Variants in PPM1L observed in about 807,000 individuals in gnomAD.
PPM1L encodes the protein protein phosphatase 1L.
In PPM1L, 13 loss-of-function variants were observed where a neutral mutation model predicts 31.4. The observed-to-expected ratio is 0.41, with a 90% CI of 0.27 to 0.66. The LOEUF (loss-of-function observed/expected upper bound fraction) is 0.66, where lower values mean the gene tolerates loss of function less well. Ranked by LOEUF, PPM1L falls within the 30% of genes least tolerant of loss-of-function variation. PPM1L has a pLI of 0.29. For synonymous variants in PPM1L, 184 were observed against 175.4 expected, an observed-to-expected ratio of 1.05 and a Z score of -0.39; for missense variants, 326 against 453.7, an observed-to-expected ratio of 0.72 and a Z score of 2.56.
At chr3:160,815,999 G>T (rs1172880740) in intron 1 of PPM1L, among the ~76,000 whole-genome samples, 2 of 152,118 alleles carry the variant, frequency 1.3e-5, no homozygotes, top group African/African-American at 4.8e-5. Context: ...TTACCTGAAA[G>T]TCACCTTATA....
chr3:161,006,973 C>CGCCCG (rs1319833628), intron 2 of PPM1L, among the ~76,000 whole-genome samples: 1 of 152,204 alleles, frequency 6.6e-6, no homozygotes, highest in Non-Finnish European at 1.5e-5. Flanking sequence ...TGAGCCACCG[C>CGCCCG]GCCCGGCCCC....
At chr3:161,068,324 T>C (rs1490272610) in intron 3 of PPM1L, among the ~76,000 whole-genome samples, 1 of 152,228 alleles carries the variant, frequency 6.6e-6, no homozygotes, top group Non-Finnish European at 1.5e-5. Flanking sequence ...TTAATGACTA[T>C]ACTAGTGTGT....
chr3:161,015,504 C>A (rs1376136083), intron 2 of PPM1L, among the ~76,000 whole-genome samples: 1 of 152,208 alleles, frequency 6.6e-6, no homozygotes, highest in Admixed American at 6.5e-5. Flanking sequence ...CATGCTTCAG[C>A]TGCACTCACT....
At chr3:160,783,515 G>T (rs1234279272) in intron 1 of PPM1L, among the ~76,000 whole-genome samples, 3 of 151,050 alleles carry the variant, frequency 2.0e-5, no homozygotes, top group Non-Finnish European at 4.4e-5. Context: ...CAGGAGAATT[G>T]CTTGAACCCT....
At chr3:160,853,866 C>A (rs1406897959) in intron 1 of PPM1L, among the ~76,000 whole-genome samples, 1 of 152,162 alleles carries the variant, frequency 6.6e-6, no homozygotes, top group Non-Finnish European at 1.5e-5. Context: ...TCAACAAAAT[C>A]TTTCACCTTT....
At chr3:161,028,707 A>C (rs1248153326) in intron 2 of PPM1L, among the ~76,000 whole-genome samples, 1 of 152,186 alleles carries the variant, frequency 6.6e-6, no homozygotes, top group Non-Finnish European at 1.5e-5. Context: ...ATAAACTGGG[A>C]TACATGACAC....
intron 2 of PPM1L, chr3:161,022,228 A>C (rs12498008): frequency 0.14 from 88,020 of 631,628 alleles, 7,307 homozygotes; most frequent in East Asian, 0.28. Flanking sequence ...TATTAATTCT[A>C]AACTAATTTC....
intron 2 of PPM1L, among the ~76,000 whole-genome samples, chr3:160,986,415 C>T (rs896173568): frequency 4.6e-5 from 7 of 152,012 alleles, no homozygotes; most frequent in Non-Finnish European, 8.8e-5. Flanking sequence ...GAGTTTTACA[C>T]AATTTAGAGA....
chr3:161,017,956 T>G (rs1718132280), intron 2 of PPM1L, among the ~76,000 whole-genome samples: 1 of 152,162 alleles, frequency 6.6e-6, no homozygotes. Context: ...TACCCTAACC[T>G]GATTGAATAT....
In PPM1L at chr3:160,835,039, ACTTCTTCTTCTTCTTCTTCTT is replaced by A. The variant is rs201253772; in HGVS notation, c.399+78360_399+78380del. The stretch of plus-strand genomic sequence containing the variant: ...TACTACTACTACTATTACTACTACT[ACTTCTTCTTCTTCTTCTTCTT>A]CTTCTTCTTCTTCTTCTTCTTCTTC... On this transcript the variant is annotated intron_variant, in intron 1 of 3. Coordinates refer to ENST00000498165, the MANE Select transcript of PPM1L (RefSeq NM_139245.4). Among the ~76,000 whole-genome samples the A allele has an allele frequency of 1.8e-3, 239 of 131,818 alleles. 1 individual carries two copies. The highest frequency in any genetic ancestry group is 2.9e-3 in the Non-Finnish European group (185 of 63,426). 86.5% of individuals were successfully genotyped at this position (131,818 alleles called of 152,430 possible).
At chr3:160,766,744 GTT>G (rs200642876) in intron 1 of PPM1L, among the ~76,000 whole-genome samples, 1 of 142,396 alleles carries the variant, frequency 7.0e-6, no homozygotes. Context: ...CTCTCTGGAG[GTT>G]TTTTTTTTTT....
intron 1 of PPM1L, among the ~76,000 whole-genome samples, chr3:160,892,739 C>T (rs1469049638): frequency 2.0e-5 from 3 of 151,892 alleles, no homozygotes; most frequent in Non-Finnish European, 4.4e-5. Context: ...AATATTACTT[C>T]TCACTACACA....
At chr3:160,808,388 T>TGTGTGTGTGTGTGTGCGCGCGCGC (rs1712692186) in intron 1 of PPM1L, among the ~76,000 whole-genome samples, 30 of 138,606 alleles carry the variant, frequency 2.2e-4, no homozygotes, top group Middle Eastern at 3.9e-3. Context: ...TTTTCCTGTG[T>TGTGTGTGTGTGTGTGCGCGCGCGC]GTGTGTGTGT....
At chr3:160,951,605 G>A (rs961931220) in intron 1 of PPM1L, among the ~76,000 whole-genome samples, 5 of 152,094 alleles carry the variant, frequency 3.3e-5, no homozygotes, top group African/African-American at 1.2e-4. Context: ...CAGAAAGTGG[G>A]ATTTGAGTGA....
chr3:160,880,387 C>G (rs1712671897), intron 1 of PPM1L, among the ~76,000 whole-genome samples: 1 of 151,980 alleles, frequency 6.6e-6, no homozygotes, highest in African/African-American at 2.4e-5. Flanking sequence ...AAAAAACAAG[C>G]CTTTTGGGAA....
intron 2 of PPM1L, among the ~76,000 whole-genome samples, chr3:161,038,416 A>G (rs564571804): frequency 3.3e-5 from 5 of 151,318 alleles, no homozygotes; most frequent in South Asian, 2.1e-4. Flanking sequence ...GACTCAACCA[A>G]TTCTCTGACC....
At chr3:161,039,607 CTG>C (rs1365521650) in intron 2 of PPM1L, among the ~76,000 whole-genome samples, 13 of 152,278 alleles carry the variant, frequency 8.5e-5, no homozygotes, top group Middle Eastern at 3.4e-3. Context: ...ACTGCAAGCT[CTG>C]CCTCCCGGTT....
intron 1 of PPM1L, among the ~76,000 whole-genome samples, chr3:160,916,308 A>G (rs1714178974): frequency 1.3e-5 from 2 of 152,334 alleles, no homozygotes; most frequent in South Asian, 4.1e-4. Flanking sequence ...CACATGAAAA[A>G]ATGCTCATCA....
intron 1 of PPM1L, among the ~76,000 whole-genome samples, chr3:160,912,565 G>C (rs1013360797): frequency 6.6e-6 from 1 of 152,126 alleles, no homozygotes; most frequent in Non-Finnish European, 1.5e-5. Flanking sequence ...TTTTACTAAG[G>C]TCTGAAATGC....
Sources: gnomAD v4.1 joint callset for allele counts (sites outside exome capture counted in the v4.1 genomes callset) on GRCh38, gnomAD v4.1.1 for gene constraint, MANE v1.5 for transcripts, NCBI Gene and HGNC (gene_info 2026-07-23, HGNC 2026-07-21) for gene names.